ZNF536: variants seen among roughly 807,000 people sequenced by gnomAD.
The protein encoded by ZNF536 is zinc finger protein 536.
ZNF536 carries 13 observed loss-of-function variants against 84.5 expected under a neutral mutation model. The observed-to-expected ratio is 0.15, with a 90% CI of 0.10 to 0.24. The LOEUF is 0.24. Ranked by LOEUF, ZNF536 falls within the 10% of genes least tolerant of loss-of-function variation. The probability of loss-of-function intolerance (pLI) is 1.00; values close to 1 mark genes in which losing one functional copy is unlikely to be tolerated. For synonymous variants in ZNF536, 811 were observed against 742.5 expected, an observed-to-expected ratio of 1.09 and a Z score of -1.50; for missense variants, 1,536 against 1,747.5, an observed-to-expected ratio of 0.88 and a Z score of 2.16.
At chr19:30,669,028 G>A (rs2147696952) in intron 1 of ZNF536, among the ~76,000 whole-genome samples, 1 of 152,360 alleles carries the variant, frequency 6.6e-6, no homozygotes, top group Non-Finnish European at 1.5e-5. Flanking sequence ...TCACACGCCT[G>A]GGTGCATTGT....
At chr19:30,668,919 A>G (rs1219169913) in intron 1 of ZNF536, among the ~76,000 whole-genome samples, 2 of 152,200 alleles carry the variant, frequency 1.3e-5, no homozygotes, top group Non-Finnish European at 2.9e-5. Flanking sequence ...TGCCCAGAAG[A>G]AGGAGCCAGA....
intron 1 of ZNF536, among the ~76,000 whole-genome samples, chr19:30,575,911 A>G (rs1003445245): frequency 1.3e-5 from 2 of 152,182 alleles, no homozygotes; most frequent in Non-Finnish European, 2.9e-5. Context: ...GGGACGGGTC[A>G]CAGAAATGGC....
chr19:30,471,802 G>C (rs1331206096), intron 2 of ZNF536, among the ~76,000 whole-genome samples: 1 of 152,158 alleles, frequency 6.6e-6, no homozygotes, highest in Non-Finnish European at 1.5e-5. Context: ...AGGAGCCAGT[G>C]GTTAGTAACA....
At chr19:30,398,587 T>G (rs2147461220) in intron 1 of ZNF536, among the ~76,000 whole-genome samples, 1 of 152,248 alleles carries the variant, frequency 6.6e-6, no homozygotes, top group East Asian at 1.9e-4. Context: ...CCCCTCCCTG[T>G]GTCCATGTGT....
At chr19:30,342,205 A>G (rs1392286440) in intron 2 of ZNF536, among the ~76,000 whole-genome samples, 4 of 152,226 alleles carry the variant, frequency 2.6e-5, no homozygotes, top group Non-Finnish European at 5.9e-5. Flanking sequence ...ATAGCCAGAA[A>G]AATGTTTAGT....
At chr19:30,353,919 G>A (rs143934815) in intron 3 of ZNF536, among the ~76,000 whole-genome samples, 2 of 152,158 alleles carry the variant, frequency 1.3e-5, no homozygotes, top group African/African-American at 4.8e-5. Context: ...AGGGGAGAAG[G>A]GTAAGACTGG....
At chr19:30,247,595 G>A (rs1028963077) in intron 1 of ZNF536, among the ~76,000 whole-genome samples, 1 of 152,158 alleles carries the variant, frequency 6.6e-6, no homozygotes, top group Non-Finnish European at 1.5e-5. Context: ...GTGGGAAGAT[G>A]GATTGAGCCT....
At chr19:30,466,370 C>T (rs2053391987) in intron 2 of ZNF536, among the ~76,000 whole-genome samples, 5 of 137,012 alleles carry the variant, frequency 3.6e-5, no homozygotes, top group Admixed American at 2.8e-4. Context: ...AGCGAAACTC[C>T]ATTGCTGCAA....
intron 3 of ZNF536, among the ~76,000 whole-genome samples, chr19:30,355,513 A>G (rs1336502578): frequency 6.6e-6 from 1 of 151,944 alleles, no homozygotes; most frequent in Non-Finnish European, 1.5e-5. Context: ...TTAGCCTCCC[A>G]AGTAACTAGG....
At chr19:30,410,773 C>T (rs1383185880) in intron 1 of ZNF536, among the ~76,000 whole-genome samples, 3 of 151,866 alleles carry the variant, frequency 2.0e-5, no homozygotes, top group Non-Finnish European at 2.9e-5. Flanking sequence ...CCACCGCGCC[C>T]GGCCAAGTGA....
chr19:30,451,826 C>T (rs2052621606), intron 2 of ZNF536, among the ~76,000 whole-genome samples: 1 of 152,174 alleles, frequency 6.6e-6, no homozygotes, highest in African/African-American at 2.4e-5. Flanking sequence ...TGAAGCTCTC[C>T]TCCCTATGCA....
At chr19:30,693,442 G>T (rs369885616) in intron 1 of ZNF536, among the ~76,000 whole-genome samples, 2 of 152,172 alleles carry the variant, frequency 1.3e-5, no homozygotes, top group Admixed American at 1.3e-4. Context: ...GCAGCTGGGT[G>T]CGGACATCTG....
intron 1 of ZNF536, among the ~76,000 whole-genome samples, chr19:30,628,890 A>T (rs1182398523): frequency 6.6e-6 from 1 of 152,052 alleles, no homozygotes; most frequent in East Asian, 1.9e-4. Flanking sequence ...TTTTTAGTAG[A>T]GATGGTGTTT....
At chr19:30,504,064 GAAAAT>G (rs2055059539) in intron 2 of ZNF536, among the ~76,000 whole-genome samples, 1 of 152,086 alleles carries the variant, frequency 6.6e-6, no homozygotes, top group African/African-American at 2.4e-5. Flanking sequence ...AATCAATAAA[GAAAAT>G]AATACCACAA....
chr19:30,417,148 ATTTTT>A (rs71173904), intron 1 of ZNF536, among the ~76,000 whole-genome samples: 3 of 100,266 alleles, frequency 3.0e-5, no homozygotes, highest in East Asian at 2.8e-4. Context: ...TAATTTTTGT[ATTTTT>A]TTTTTTTTTT....
chr19:30,415,436 T>A (rs2050688844), intron 1 of ZNF536, among the ~76,000 whole-genome samples: 1 of 151,104 alleles, frequency 6.6e-6, no homozygotes. Flanking sequence ...TTTTTCCACT[T>A]TCTTTCTGGA....
At chr19:30,435,287 ATGGTGATGGTGGTGATGCTGATGC>A (rs1356074761) in intron 1 of ZNF536, among the ~76,000 whole-genome samples, 5 of 147,730 alleles carry the variant, frequency 3.4e-5, no homozygotes, top group Non-Finnish European at 4.5e-5. Flanking sequence ...GGTGATGATA[ATGGTGATGGTGGTGATGCTGATGC>A]TGGTGATGGT....
At chr19:30,506,155 A>G (rs143456588) in intron 2 of ZNF536, among the ~76,000 whole-genome samples, 4 of 152,194 alleles carry the variant, frequency 2.6e-5, no homozygotes, top group Non-Finnish European at 4.4e-5. Flanking sequence ...GAATATAAAT[A>G]TTCCTATTTA....
chr19:30,326,326 C>T (rs1600229957), intron 2 of ZNF536, among the ~76,000 whole-genome samples: 1 of 152,298 alleles, frequency 6.6e-6, no homozygotes, highest in African/African-American at 2.4e-5. Flanking sequence ...AAGAGGGGAA[C>T]AGTGGGCTCA....
Sources: gnomAD v4.1 joint callset for allele counts (sites outside exome capture counted in the v4.1 genomes callset) on GRCh38, gnomAD v4.1.1 for gene constraint, MANE v1.5 for transcripts, NCBI Gene and HGNC (gene_info 2026-07-23, HGNC 2026-07-21) for gene names.